NAPA: variants seen among roughly 807,000 people sequenced by gnomAD.
The protein encoded by NAPA is alpha-soluble NSF attachment protein.
Under a neutral mutation model 48.0 loss-of-function variants are expected in NAPA, and 18 were observed. The ratio of observed to expected loss-of-function variants is 0.38; its 90% CI spans 0.26 to 0.56. The LOEUF (loss-of-function observed/expected upper bound fraction) is 0.56, where lower values mean the gene tolerates loss of function less well. NAPA is among the 20% of genes least tolerant of loss of function. NAPA has a pLI of 0.77. For missense variants in NAPA, 315 were observed against 385.0 expected (o/e 0.82, Z 1.52); for synonymous variants, 152 against 149.9 (o/e 1.01, Z -0.10).
At chr19:47,511,992 C>G (rs1317626718) in intron 1 of NAPA, among the ~76,000 whole-genome samples, 2 of 152,192 alleles carry the variant, frequency 1.3e-5, no homozygotes, top group East Asian at 3.9e-4. Context: ...AGGCCCAGCC[C>G]TTGCTCACCA....
intron 1 of NAPA, among the ~76,000 whole-genome samples, chr19:47,508,335 A>G (rs1418144720): frequency 6.6e-6 from 1 of 152,228 alleles, no homozygotes; most frequent in Non-Finnish European, 1.5e-5. Context: ...CACCGCCACC[A>G]GTATCACCTG....
intron 1 of NAPA, among the ~76,000 whole-genome samples, chr19:47,508,623 CAGGTACTTTGCTA>C (rs1312847215): frequency 2.4e-4 from 37 of 151,644 alleles, no homozygotes; most frequent in Admixed American, 2.3e-3. Flanking sequence ...AAGTCCGTTT[CAGGTACTTTGCTA>C]AGTGTTCGAC....
chr19:47,495,523 G>T (rs750599939), intron 4 of NAPA, 27 bp downstream of exon 4: 4 of 1,612,342 alleles, frequency 2.5e-6, no homozygotes, highest in Non-Finnish European at 2.5e-6. Context: ...GGACCCGGGG[G>T]TGTCAGGACA....
At chr19:47,507,641 T>C (rs1391787919) in intron 1 of NAPA, among the ~76,000 whole-genome samples, 1 of 152,140 alleles carries the variant, frequency 6.6e-6, no homozygotes, top group African/African-American at 2.4e-5. Flanking sequence ...GTGGGGAAGG[T>C]GTCCTAGGGC....
intron 1 of NAPA, 79 bp downstream of exon 1, chr19:47,514,764 C>T (rs1385994363): frequency 7.1e-7 from 1 of 1,402,260 alleles, no homozygotes; most frequent in African/African-American, 1.4e-5. Flanking sequence ...GCTCTGCGTG[C>T]CCTAACCCGC....
intron 8 of NAPA, 182 bp from the exon 9 acceptor site, chr19:47,491,038 A>G: frequency 5.6e-6 from 3 of 536,980 alleles, no homozygotes; most frequent in Non-Finnish European, 9.9e-6. Context: ...TGAGCTCAGC[A>G]CCAGCCTGGC....
intron 3 of NAPA, chr19:47,496,812 C>T (rs1361861082): frequency 2.2e-6 from 1 of 450,788 alleles, no homozygotes; most frequent in African/African-American, 2.0e-5. Context: ...AGTCCAACCC[C>T]TCCTTCTGAC....
intron 1 of NAPA, among the ~76,000 whole-genome samples, chr19:47,509,962 G>A (rs1369159008): frequency 1.3e-5 from 2 of 152,232 alleles, no homozygotes; most frequent in Non-Finnish European, 2.9e-5. Flanking sequence ...CCAAAAAGGA[G>A]ACGGAAATGT....
intron 3 of NAPA, among the ~76,000 whole-genome samples, chr19:47,499,072 TC>T (rs1255002764): frequency 1.3e-5 from 2 of 152,220 alleles, no homozygotes; most frequent in African/African-American, 4.8e-5. Context: ...TCAGCCACCT[TC>T]TGAGCTTCCT....
At position 47,493,172 on chromosome 19, in the gene NAPA, G is replaced by A; in HGVS notation, c.423C>T (p.Ala141=). The change falls in exon 6 of 11, where the codon GCC becomes GCT. Residue 141 remains alanine (A), a splice_region_variant and synonymous_variant. Coordinates refer to ENST00000263354, the MANE Select transcript of NAPA (RefSeq NM_003827.4). The surrounding 1 kb of genome is among the most constrained non-coding windows in gnomAD (Gnocchi z 6.4). Reference sequence around the variant, plus strand: ...CTGCAGACTGCTCGTAGTGGGCAATGGCCTGGGGAGACACGGGGGATGGGT... The same window carrying A: ...CTGCAGACTGCTCGTAGTGGGCAATAGCCTGGGGAGACACGGGGGATGGGT... The part of the protein sequence containing the change: ...YETELVDIEK[A]IAHYEQSADY... The A allele has an allele frequency of 1.9e-6, 3 of 1,589,224 alleles. No individual in the cohort carries two copies. The highest frequency in any genetic ancestry group is 2.6e-6 in the Non-Finnish European group (3 of 1,165,172).
chr19:47,495,287 C>T (rs955113993), intron 4 of NAPA: 4 of 546,980 alleles, frequency 7.3e-6, no homozygotes, highest in Non-Finnish European at 1.3e-5. Context: ...AGCCACCCTG[C>T]CCAGCTCAAT....
intron 8 of NAPA, among the ~76,000 whole-genome samples, chr19:47,491,745 G>T (rs761448988): frequency 1.3e-5 from 2 of 152,138 alleles, no homozygotes; most frequent in Non-Finnish European, 2.9e-5. Context: ...ACTTTAATGG[G>T]GTGCAGTGAG....
At chr19:47,489,813 G>A (rs1173025552) in intron 9 of NAPA, 52 bp from the exon 10 acceptor site, 16 of 1,599,846 alleles carry the variant, frequency 1.0e-5, no homozygotes, top group Non-Finnish European at 1.3e-5. Context: ...CCTGAGGTCT[G>A]GCCTGGATTA....
At position 47,493,538 on chromosome 19, in the gene NAPA, T is replaced by C. The variant is rs1052620259; in HGVS notation, c.343-45A>G. The C allele has an allele frequency of 6.4e-7, 1 of 1,561,842 alleles. No homozygotes were observed. Among genetic ancestry groups the C allele is most frequent in the Non-Finnish European group, 8.8e-7 (1 of 1,134,656 alleles). ...GGGCTGCCTGCGACTCATGACCTCCTGCGTGCCTGCCTGCTGACCTATGAC... is the reference window on the plus strand; with the variant it reads ...GGGCTGCCTGCGACTCATGACCTCCCGCGTGCCTGCCTGCTGACCTATGAC... On this transcript the variant is annotated intron_variant, in intron 4 of 10. Transcript: ENST00000263354. This position sits in a 1 kb window ranked among gnomAD's most constrained non-coding sequence, Gnocchi z 6.4.
chr19:47,507,713 C>A (rs1344831429), intron 1 of NAPA, among the ~76,000 whole-genome samples: 3 of 152,198 alleles, frequency 2.0e-5, no homozygotes, highest in Admixed American at 2.0e-4. Flanking sequence ...AGACCATGTG[C>A]CTTAATCACG....
chr19:47,491,874 C>G, intron 8 of NAPA, 141 bp downstream of exon 8: 1 of 736,618 alleles, frequency 1.4e-6, no homozygotes, highest in South Asian at 1.7e-5. Flanking sequence ...CTGTGAGAAC[C>G]ACACTTCTCA....
intron 3 of NAPA, among the ~76,000 whole-genome samples, chr19:47,498,119 C>T (rs1202032411): frequency 1.3e-5 from 2 of 152,232 alleles, no homozygotes; most frequent in Non-Finnish European, 2.9e-5. Flanking sequence ...GGGCCTCAGG[C>T]ACACTCCAGC....
At position 47,493,424 on chromosome 19, in the gene NAPA, T is replaced by C. The variant is rs747605935; in HGVS notation, c.412A>G (p.Ile138Val). Residue 138 changes from isoleucine (I) to valine (V), a missense_variant, in exon 5 of 11, where the codon ATC becomes GTC. By Grantham distance (29) the Ile-to-Val change is conservative (BLOSUM62 3). Around this residue, in one of 3 missense-constraint regions of NAPA, gnomAD observed 173 missense variants for 213.5 expected, o/e 0.81. Transcript: ENST00000263354. The surrounding 1 kb of genome is among the most constrained non-coding windows in gnomAD (Gnocchi z 6.4). ...GCCCTGCTGCCACTCACCTTCTCGA[T>C]GTCCACCAACTCTGTCTCATAGATC... is the stretch of plus-strand genomic sequence containing the variant. ...AEIYETELVD[I>V]EKAIAHYEQS... is the part of the protein sequence containing the mutation. 3.7e-6 allele frequency: 6 copies of C among 1,613,998 alleles called. No homozygotes were observed. Among genetic ancestry groups the C allele is most frequent in the East Asian group, 4.5e-5 (2 of 44,864 alleles).
Position 47,493,523 on chromosome 19 carries a change from C to G in NAPA, c.343-30G>C, listed in dbSNP as rs747620724. ...AGGGGACACAGGAAGGGGCTGCCTG[C>G]GACTCATGACCTCCTGCGTGCCTGC... On this transcript the variant is annotated intron_variant, in intron 4 of 10. Coordinates refer to ENST00000263354, the MANE Select transcript of NAPA (RefSeq NM_003827.4). The surrounding 1 kb of genome is among the most constrained non-coding windows in gnomAD (Gnocchi z 6.4). 2 of 1,600,600 alleles carry G rather than the reference C, an allele frequency of 1.2e-6. No homozygotes were observed. Among genetic ancestry groups the G allele is most frequent in the African/African-American group, 1.3e-5 (1 of 74,652 alleles).
Sources: allele counts gnomAD v4.1 joint callset (sites outside exome capture counted in the v4.1 genomes callset), GRCh38; gene constraint gnomAD v4.1.1; regional missense constraint gnomAD v4.1.1; non-coding constraint Gnocchi (gnomAD v3.1); transcripts MANE v1.5; gene names NCBI Gene and HGNC (gene_info 2026-07-23, HGNC 2026-07-21).